Variants in WWOX observed in about 807,000 individuals in gnomAD.
The protein encoded by WWOX is WW domain-containing oxidoreductase.
A neutral mutation model predicts 46.2 loss-of-function variants in WWOX; 69 were observed. The ratio of observed to expected loss-of-function variants is 1.49; its 90% confidence interval spans 1.23 to 1.82. The LOEUF is 1.82. Ranked by LOEUF, WWOX falls within the 40% of genes most tolerant of loss-of-function variation. The pLI is 0.00. For missense variants in WWOX, 919 were observed against 542.6 expected (o/e 1.69, Z -6.89); for synonymous variants, 359 against 202.6 (o/e 1.77, Z -6.56).
chr16:78,319,141 C>A (rs367975395), intron 5 of WWOX, among the ~76,000 whole-genome samples: 1 of 151,906 alleles, frequency 6.6e-6, no homozygotes, highest in African/African-American at 2.4e-5. Context: ...AGAAGGACAC[C>A]GCCACACATT....
At chr16:78,328,553 A>G (rs1365197116) in intron 5 of WWOX, among the ~76,000 whole-genome samples, 1 of 152,238 alleles carries the variant, frequency 6.6e-6, no homozygotes, top group Non-Finnish European at 1.5e-5. Flanking sequence ...TTATTCTTGC[A>G]ACAAGTATTT....
chr16:78,398,874 G>A (rs2082348502), intron 6 of WWOX, among the ~76,000 whole-genome samples: 1 of 152,200 alleles, frequency 6.6e-6, no homozygotes, highest in Admixed American at 6.5e-5. Flanking sequence ...TTTAACCTGT[G>A]TCATCATTGT....
intron 5 of WWOX, among the ~76,000 whole-genome samples, chr16:78,305,787 C>A (rs539585288): frequency 1.8e-4 from 27 of 152,220 alleles, no homozygotes; most frequent in African/African-American, 6.0e-4. Context: ...GAGAAATTGC[C>A]GGTGACCTGA....
At chr16:78,696,243 C>A (rs1470063920) in intron 8 of WWOX, among the ~76,000 whole-genome samples, 2 of 152,176 alleles carry the variant, frequency 1.3e-5, no homozygotes, top group Non-Finnish European at 2.9e-5. Context: ...GATACTAATA[C>A]CTGCCTTCCT....
chr16:78,684,775 C>T (rs542656209), intron 8 of WWOX, among the ~76,000 whole-genome samples: 10 of 152,186 alleles, frequency 6.6e-5, no homozygotes, highest in Non-Finnish European at 1.2e-4. Context: ...CCATAGTTGT[C>T]ACCTAGTTGA....
intron 8 of WWOX, among the ~76,000 whole-genome samples, chr16:79,083,685 C>T (rs1486986856): frequency 6.6e-6 from 1 of 152,176 alleles, no homozygotes; most frequent in Non-Finnish European, 1.5e-5. Flanking sequence ...AGGGAATATA[C>T]TGCTACGGTA....
intron 8 of WWOX, among the ~76,000 whole-genome samples, chr16:78,756,696 A>T (rs981305546): frequency 6.6e-6 from 1 of 152,194 alleles, no homozygotes; most frequent in Non-Finnish European, 1.5e-5. Flanking sequence ...TTAAACTACC[A>T]TTAAGCAACT....
chr16:78,837,854 T>C lies in WWOX; in HGVS notation c.1057-373754T>C, dbSNP rs1372458396. Among the ~76,000 whole-genome samples the C allele has an allele frequency of 3.3e-5, 5 of 152,194 alleles. No individual in the cohort carries two copies. In the East Asian group the frequency reaches 9.6e-4, roughly 29 times the overall value. On this transcript the variant is annotated intron_variant, in intron 8 of 8. Coordinates refer to ENST00000566780, the MANE Select transcript of WWOX (RefSeq NM_016373.4). ...TTTTCATAGTCATCCTGTGTAGAAA[T>C]ATCAATAAATATAAAGGTAAGTATT...
chr16:78,138,673 AC>A (rs1274272020), intron 4 of WWOX, among the ~76,000 whole-genome samples: 2 of 152,198 alleles, frequency 1.3e-5, no homozygotes, highest in African/African-American at 2.4e-5. Context: ...GGGACAGCCC[AC>A]CCTGAGAAGT....
chr16:78,974,585 T>G (rs11866773), intron 8 of WWOX, among the ~76,000 whole-genome samples: 54,124 of 152,120 alleles, frequency 0.36, 9,706 homozygotes, highest in South Asian at 0.43. Context: ...GGGAATTATT[T>G]CAGTTTTGTT....
At chr16:79,182,052 A>G (rs2050922511) in intron 8 of WWOX, among the ~76,000 whole-genome samples, 1 of 150,574 alleles carries the variant, frequency 6.6e-6, no homozygotes, top group African/African-American at 2.5e-5. Context: ...AGGGTACCGC[A>G]GGGGAACCTT....
At chr16:78,109,436 A>G (rs1222730346) in intron 2 of WWOX, among the ~76,000 whole-genome samples, 7 of 152,230 alleles carry the variant, frequency 4.6e-5, no homozygotes, top group Non-Finnish European at 7.3e-5. Context: ...AGGTCAGCGT[A>G]TGAATGACGT....
In WWOX at chr16:79,114,945, A is replaced by G. The variant is rs117036979; in HGVS notation, c.1057-96663A>G. On this transcript the variant is annotated intron_variant, in intron 8 of 8. Transcript: ENST00000566780. Reference sequence around the variant, plus strand: ...GCCGGGGCTGCAGACTAAATTATATACATCTCAAGGGCAGTTAGACAATTA... The same window carrying G: ...GCCGGGGCTGCAGACTAAATTATATGCATCTCAAGGGCAGTTAGACAATTA... Among the ~76,000 whole-genome samples the G allele has an allele frequency of 2.6e-5, 4 of 152,338 alleles. No individual in the cohort carries two copies. The East Asian group carries it at 7.7e-4, about 29-fold the overall frequency.
At chr16:78,979,691 A>G (rs955663982) in intron 8 of WWOX, among the ~76,000 whole-genome samples, 6 of 152,150 alleles carry the variant, frequency 3.9e-5, no homozygotes, top group African/African-American at 1.4e-4. Flanking sequence ...GAGCCTGTGT[A>G]GCCGTCCATG....
chr16:78,179,014 C>T (rs1008938384), intron 5 of WWOX, among the ~76,000 whole-genome samples: 2 of 152,130 alleles, frequency 1.3e-5, no homozygotes, highest in Admixed American at 6.5e-5. Flanking sequence ...GAAGCCAGGG[C>T]ACTTGGCAGG....
rs56803717 is a variant in WWOX, at chr16:78,528,165, A to ATTTTTTTT, written c.1056+95428_1056+95435dup. 4.0e-3 allele frequency among the ~76,000 whole-genome samples: 235 copies of ATTTTTTTT among 58,364 alleles called. 14 individuals are homozygous for ATTTTTTTT. The highest frequency in any genetic ancestry group is 0.019 in the African/African-American group (224 of 11,926). 38.3% of individuals were successfully genotyped at this position (58,364 alleles called of 152,430 possible). On this transcript the variant is annotated intron_variant, in intron 8 of 8. Transcript: ENST00000566780. ...AGGTGCCCGCCACCACACCTGGCTA[A>ATTTTTTTT]TTTTTTTTTTTTTTTTTTTTTTGCA...
chr16:78,426,826 G>T, intron 7 of WWOX, among the ~76,000 whole-genome samples: 1 of 152,082 alleles, frequency 6.6e-6, no homozygotes, highest in Non-Finnish European at 1.5e-5. Flanking sequence ...ACCACACCTG[G>T]CTAATTTTTG....
At chr16:79,002,601 G>A (rs34205151) in intron 8 of WWOX, among the ~76,000 whole-genome samples, 3,949 of 152,318 alleles carry the variant, frequency 0.026, 65 homozygotes, top group Middle Eastern at 0.054. Context: ...CAGCAGATCA[G>A]TTATTTTGAG....
chr16:78,535,417 G>T (rs2043734547), intron 8 of WWOX: 1 of 152,180 alleles, frequency 6.6e-6, no homozygotes, highest in Non-Finnish European at 1.5e-5. Flanking sequence ...GCAGCTAATT[G>T]TAGGATTCTA....
Sources: allele counts gnomAD v4.1 joint callset (sites outside exome capture counted in the v4.1 genomes callset), GRCh38; gene constraint gnomAD v4.1.1; transcripts MANE v1.5; gene names NCBI Gene and HGNC (gene_info 2026-07-23, HGNC 2026-07-21).